TF: variants seen among roughly 807,000 people sequenced by gnomAD.
TF encodes transferrin, also known as serotransferrin.
A neutral mutation model predicts 82.4 loss-of-function variants in TF; 55 were observed. The ratio of observed to expected loss-of-function variants is 0.67; its 90% CI spans 0.54 to 0.84. The LOEUF (loss-of-function observed/expected upper bound fraction) is 0.84. TF is among the 40% of genes least tolerant of loss of function. The probability of loss-of-function intolerance (pLI) is 0.00; values close to 1 mark genes in which losing one functional copy is unlikely to be tolerated. For synonymous variants in TF, 332 were observed against 332.6 expected, an observed-to-expected ratio of 1.00 and a Z score of 0.02; for missense variants, 737 against 868.4, an observed-to-expected ratio of 0.85 and a Z score of 1.90.
chr3:133,775,007 A>G (rs1934350800), intron 14 of TF: 2 of 336,710 alleles, frequency 5.9e-6, no homozygotes, highest in African/African-American at 4.3e-5. Context: ...GCAGATTCCA[A>G]AGGTGTTCTC....
the TF span, among the ~76,000 whole-genome samples, chr3:133,672,007 G>A: frequency 2.6e-5 from 4 of 152,038 alleles, no homozygotes; most frequent in Admixed American, 2.6e-4. Context: ...AAGGAAAGTA[G>A]TAAACATAAA....
At chr3:133,736,631 C>CAAAAAAGA in the TF span, among the ~76,000 whole-genome samples, 5 of 32,562 alleles carry the variant, frequency 1.5e-4, no homozygotes, top group East Asian at 1.2e-3. Context: ...AATGGAAAGC[C>CAAAAAAGA]AAAAAAAAAA....
rs116972052 is a variant in TF, at chr3:133,771,242, T to C, written c.1687+670T>C. Among the ~76,000 whole-genome samples the C allele has an allele frequency of 1.5e-4, 23 of 152,340 alleles. No individual in the cohort carries two copies. The East Asian group carries it at 3.7e-3, about 24-fold the overall frequency. ...AAGAACCAATTTGAAGGATCTCCTG[T>C]TGCCAAGTCTGGGAATTTTGAGCAT... On this transcript the variant is annotated intron_variant, in intron 14 of 16. Coordinates refer to ENST00000402696, the MANE Select transcript of TF (RefSeq NM_001063.4).
chr3:133,691,482 C>T, the TF span, among the ~76,000 whole-genome samples: 2 of 152,086 alleles, frequency 1.3e-5, no homozygotes, highest in African/African-American at 2.4e-5. Context: ...GAGTTTGTCA[C>T]GTGGTTGATA....
chr3:133,759,877 A>G (rs974480310), intron 9 of TF, among the ~76,000 whole-genome samples: 1 of 152,102 alleles, frequency 6.6e-6, no homozygotes, highest in African/African-American at 2.4e-5. Flanking sequence ...GAATTTTTAA[A>G]ATCCTGAATG....
At chr3:133,770,754 T>G (rs1432233328) in intron 14 of TF, 182 bp downstream of exon 14, 2 of 765,060 alleles carry the variant, frequency 2.6e-6, no homozygotes, top group Non-Finnish European at 4.4e-6. Context: ...ATGATCAGGA[T>G]TATGGGGCCC....
the TF span, among the ~76,000 whole-genome samples, chr3:133,716,960 T>C: frequency 6.6e-6 from 1 of 152,210 alleles, no homozygotes; most frequent in Admixed American, 6.5e-5. Flanking sequence ...CAGATCATCA[T>C]GGCTAGTTTC....
chr3:133,681,194 G>A, the TF span, among the ~76,000 whole-genome samples: 6 of 152,302 alleles, frequency 3.9e-5, no homozygotes, highest in South Asian at 2.1e-4. Flanking sequence ...TTGAGTCACC[G>A]AAGTTAAGAT....
rs1553742159 is a variant in TF, at chr3:133,786,234, A to AC, written c.*7614_*7615insC. Reference sequence around the variant, plus strand: ...TAAAAAAATAAATTAAAAAAAAAAAAAAAAAACAATACTATTTTTTGAACT... The same window carrying AC: ...TAAAAAAATAAATTAAAAAAAAAAAACAAAAAACAATACTATTTTTTGAACT... On this transcript the variant is annotated 3_prime_UTR_variant, in exon 17 of 17. Coordinates refer to ENST00000402696, the MANE Select transcript of TF (RefSeq NM_001063.4). The AC allele has an allele frequency of 2.6e-5, 2 of 77,300 alleles. 1 individual carries two copies. Among genetic ancestry groups the AC allele is most frequent in the Non-Finnish European group, 6.5e-5 (2 of 30,536 alleles). The allele number at this position is 77,300 out of a possible 1,614,324, so 4.8% of individuals were successfully genotyped here. A position where few individuals can be genotyped will look rare whatever the true frequency, so the allele number is the denominator to read the frequency against.
At chr3:133,697,873 C>A in the TF span, among the ~76,000 whole-genome samples, 1 of 152,198 alleles carries the variant, frequency 6.6e-6, no homozygotes, top group Non-Finnish European at 1.5e-5. Flanking sequence ...TTTATCAACC[C>A]CAAAGACCAT....
chr3:133,746,105 C>CA (rs1203987220), upstream of TF: 9 of 456,064 alleles, frequency 2.0e-5, no homozygotes, highest in Admixed American at 6.8e-5. Flanking sequence ...GCAGAGCCCC[C>CA]CGGCTCCCAG....
At chr3:133,747,527 C>A (rs1447813706) in intron 1 of TF, among the ~76,000 whole-genome samples, 1 of 152,202 alleles carries the variant, frequency 6.6e-6, no homozygotes, top group Non-Finnish European at 1.5e-5. Flanking sequence ...GCTGTGGTGG[C>A]CCACAAGGAG....
chr3:133,714,357 G>C, the TF span, among the ~76,000 whole-genome samples: 7 of 152,204 alleles, frequency 4.6e-5, no homozygotes, highest in Non-Finnish European at 1.0e-4. Flanking sequence ...GCTCTAGAAA[G>C]TTCTCTTTTA....
Position 133,756,615 on chromosome 3 carries a change from A to G in TF, c.692-216A>G, listed in dbSNP as rs539363374. On this transcript the variant is annotated intron_variant, in intron 6 of 16. Coordinates refer to ENST00000402696, the MANE Select transcript of TF (RefSeq NM_001063.4). The stretch of plus-strand genomic sequence containing the variant: ...GGTTGGTGCTGCTAAGATCAGGCTC[A>G]TGGTGGAATGAGGAGCAATCACTGC... Among the ~76,000 whole-genome samples the G allele has an allele frequency of 1.5e-4, 23 of 152,150 alleles. 1 individual carries two copies. Among genetic ancestry groups the G allele is most frequent in the African/African-American group, 9.7e-5 (4 of 41,426 alleles).
At chr3:133,678,631 T>C in the TF span, among the ~76,000 whole-genome samples, 3 of 152,344 alleles carry the variant, frequency 2.0e-5, no homozygotes, top group East Asian at 5.8e-4. Context: ...GCTTTTTTTC[T>C]TAAGTTTGTT....
chr3:133,774,371 G>T lies in TF; in HGVS notation c.1688-1062G>T, dbSNP rs1484765614. On this transcript the variant is annotated intron_variant, in intron 14 of 16. Transcript: ENST00000402696. ...CCTATTAAAAGAGGAATGGTTTAAA[G>T]ATACTATTATAGCCACACTATGAAA... 5.3e-5 allele frequency: 8 copies of T among 152,182 alleles called. No homozygotes were observed. The East Asian group carries it at 1.2e-3, about 22-fold the overall frequency. The allele number at this position is 152,182 out of a possible 1,614,324, so 9.4% of individuals were successfully genotyped here.
intron 7 of TF, 53 bp from the exon 8 acceptor site, chr3:133,757,716 T>C (rs1933874448): frequency 2.5e-5 from 39 of 1,538,260 alleles, no homozygotes; most frequent in Non-Finnish European, 3.3e-5. Flanking sequence ...GTCCCATTTC[T>C]CAGCCTCCTT....
At chr3:133,754,453 G>A in intron 3 of TF, 42 bp from the exon 4 acceptor site, 1 of 1,604,098 alleles carries the variant, frequency 6.2e-7, no homozygotes, top group Non-Finnish European at 8.5e-7. Flanking sequence ...ATGTTTCCCT[G>A]CACCAGGCTG....
chr3:133,779,604 A>G lies in TF; in HGVS notation c.*984A>G, dbSNP rs1420946871. The G allele has an allele frequency of 6.6e-6, 1 of 152,166 alleles. No individual in the cohort carries two copies. The highest frequency in any genetic ancestry group is 2.4e-5 in the African/African-American group (1 of 41,392). The allele number at this position is 152,166 out of a possible 1,614,324, so 9.4% of individuals were successfully genotyped here. Reference sequence around the variant, plus strand: ...TCCTACTGGCCTGGAAACCTTAGGGAAATCTTCCTGGGGTTTTCTCTTGAT... The same window carrying G: ...TCCTACTGGCCTGGAAACCTTAGGGGAATCTTCCTGGGGTTTTCTCTTGAT... On this transcript the variant is annotated 3_prime_UTR_variant, in exon 17 of 17. Transcript: ENST00000402696.
Sources: allele counts gnomAD v4.1 joint callset (sites outside exome capture counted in the v4.1 genomes callset), GRCh38; gene constraint gnomAD v4.1.1; transcripts MANE v1.5; gene names NCBI Gene and HGNC (gene_info 2026-07-23, HGNC 2026-07-21).